MED12L: variants seen among roughly 807,000 people sequenced by gnomAD.
MED12L encodes the protein mediator of RNA polymerase II transcription subunit 12-like protein.
MED12L carries 60 observed loss-of-function variants against 281.3 expected under a neutral mutation model. The observed-to-expected ratio is 0.21, with a 90% CI of 0.17 to 0.26. The LOEUF (loss-of-function observed/expected upper bound fraction) is 0.26, where lower values mean the gene tolerates loss of function less well. MED12L is among the 10% of genes least tolerant of loss of function. The pLI, the probability that MED12L is intolerant of heterozygous loss-of-function variation, is 1.00. For missense variants in MED12L, 2,146 were observed against 2,680.9 expected, an observed-to-expected ratio of 0.80 and a Z score of 4.41; for synonymous variants, 974 against 987.2, an observed-to-expected ratio of 0.99 and a Z score of 0.25.
rs181842461 is a variant in MED12L at position 151,206,551 on chromosome 3, C to T, written c.2250+12885C>T. On this transcript the variant is annotated intron_variant, in intron 16 of 44. Transcript: ENST00000687756. ...AATAAAGAACTTTTAAAGATTATCT[C>T]GTTTCTTTTTAGTCACTGAATTTCA... Among the ~76,000 whole-genome samples, 264 of 147,880 alleles carry T rather than the reference C, an allele frequency of 1.8e-3. 1 individual carries two copies. The highest frequency in any genetic ancestry group is 2.7e-3 in the Non-Finnish European group (181 of 67,120).
chr3:151,213,219 G>T, intron 16 of MED12L: 3 of 1,036,732 alleles, frequency 2.9e-6, no homozygotes, highest in Middle Eastern at 4.3e-4. Flanking sequence ...TATGATGAGG[G>T]CACATATCTT....
chr3:151,202,000 A>C (rs920743701), intron 16 of MED12L, among the ~76,000 whole-genome samples: 1 of 152,202 alleles, frequency 6.6e-6, no homozygotes, highest in Non-Finnish European at 1.5e-5. Flanking sequence ...TATTTTGATT[A>C]ATTTTCTCTG....
intron 16 of MED12L, among the ~76,000 whole-genome samples, chr3:151,253,981 T>C (rs1737317237): frequency 6.8e-6 from 1 of 147,236 alleles, no homozygotes; most frequent in African/African-American, 2.5e-5. Context: ...TACCTTCTTT[T>C]TGTTTTGATT....
At chr3:151,148,789 A>G (rs1459887815) in intron 5 of MED12L, among the ~76,000 whole-genome samples, 1 of 152,264 alleles carries the variant, frequency 6.6e-6, no homozygotes, top group Non-Finnish European at 1.5e-5. Flanking sequence ...ATGAATCTTT[A>G]CAAAGTTAGT....
At chr3:151,163,307 T>C (rs1027159983) in intron 8 of MED12L, among the ~76,000 whole-genome samples, 15 of 152,194 alleles carry the variant, frequency 9.9e-5, no homozygotes, top group African/African-American at 3.6e-4. Context: ...AAATAGGTTT[T>C]ATGTTTTTAA....
intron 16 of MED12L, among the ~76,000 whole-genome samples, chr3:151,242,035 C>T (rs966786065): frequency 6.6e-6 from 1 of 152,158 alleles, no homozygotes; most frequent in African/African-American, 2.4e-5. Context: ...AAAATCGGGT[C>T]ACTCCCACCC....
intron 16 of MED12L, chr3:151,213,666 G>T (rs543916088): frequency 6.2e-7 from 1 of 1,614,158 alleles, no homozygotes; most frequent in South Asian, 1.1e-5. Context: ...TTGACTTAAG[G>T]TGGGACTTAA....
chr3:151,404,412 A>G (rs1187441974), intron 39 of MED12L, among the ~76,000 whole-genome samples: 1 of 152,160 alleles, frequency 6.6e-6, no homozygotes, highest in Non-Finnish European at 1.5e-5. Flanking sequence ...TGAGGTGAAA[A>G]CTTTTAAAAG....
chr3:151,404,933 T>C (rs1437995027), intron 39 of MED12L, among the ~76,000 whole-genome samples: 1 of 152,208 alleles, frequency 6.6e-6, no homozygotes, highest in Non-Finnish European at 1.5e-5. Flanking sequence ...TAGTTGCTAA[T>C]ACAGATCAGA....
intron 40 of MED12L, 69 bp from the exon 41 acceptor site, chr3:151,411,209 A>C: frequency 7.3e-7 from 1 of 1,374,242 alleles, no homozygotes; most frequent in Non-Finnish European, 1.0e-6. Context: ...TTTGCCCCAT[A>C]TATCGTAGTG....
chr3:151,379,884 G>C (rs966217518), intron 31 of MED12L, among the ~76,000 whole-genome samples: 4 of 152,158 alleles, frequency 2.6e-5, no homozygotes, highest in African/African-American at 9.7e-5. Context: ...ATGGTTTGAT[G>C]CTAGTTTGAG....
At chr3:151,361,964 AGT>A (rs1754662731) in intron 21 of MED12L, among the ~76,000 whole-genome samples, 1 of 152,094 alleles carries the variant, frequency 6.6e-6, no homozygotes, top group African/African-American at 2.4e-5. Context: ...GTAGGAGGAG[AGT>A]GGTAGAAGGT....
chr3:151,350,844 T>C (rs549125978), intron 17 of MED12L, among the ~76,000 whole-genome samples: 2 of 152,382 alleles, frequency 1.3e-5, no homozygotes, highest in South Asian at 2.1e-4. Context: ...TGTGCCTTTA[T>C]GTTGTATCAC....
chr3:151,300,895 T>C (rs765536714), intron 16 of MED12L, among the ~76,000 whole-genome samples: 8 of 152,350 alleles, frequency 5.3e-5, no homozygotes, highest in Non-Finnish European at 7.4e-5. Flanking sequence ...TATGTTCCTG[T>C]GTGTGTCCTT....
intron 16 of MED12L, chr3:151,213,160 A>C (rs1727462872): frequency 3.1e-6 from 2 of 637,964 alleles, no homozygotes; most frequent in Non-Finnish European, 2.6e-6. Context: ...GGAAACTTAT[A>C]TTTGAATTTT....
intron 16 of MED12L, among the ~76,000 whole-genome samples, chr3:151,210,977 A>G (rs1727071493): frequency 6.6e-6 from 1 of 152,200 alleles, no homozygotes; most frequent in Admixed American, 6.5e-5. Flanking sequence ...AGCTTTATCT[A>G]CAAAAGGACC....
intron 16 of MED12L, among the ~76,000 whole-genome samples, chr3:151,346,077 G>A (rs1752499386): frequency 6.6e-6 from 1 of 152,132 alleles, no homozygotes; most frequent in Non-Finnish European, 1.5e-5. Context: ...TCATGACTTT[G>A]TTCCTTGGCC....
chr3:151,423,042 C>T lies in MED12L; in HGVS notation c.6408+6620C>T, dbSNP rs576768035. On this transcript the variant is annotated intron_variant, in intron 43 of 44. Coordinates refer to ENST00000687756, the MANE Select transcript of MED12L (RefSeq NM_001393769.1). The stretch of plus-strand genomic sequence containing the variant: ...ATATATATATATATATATTTTGAAA[C>T]GGAGTCTTGCTCTGTCACCCAGGCT... Among the ~76,000 whole-genome samples the T allele has an allele frequency of 1.9e-4, 26 of 138,508 alleles. No homozygotes were observed. In the East Asian group the frequency reaches 4.0e-3, roughly 21 times the overall value. 90.9% of individuals were successfully genotyped at this position (138,508 alleles called of 152,430 possible). A position where few individuals can be genotyped will look rare whatever the true frequency, so the allele number is the denominator to read the frequency against.
chr3:151,309,591 C>A (rs2049846752), intron 16 of MED12L, among the ~76,000 whole-genome samples: 2 of 152,180 alleles, frequency 1.3e-5, no homozygotes, highest in South Asian at 4.1e-4. Context: ...CCCTATACCG[C>A]CTTCAGGTGT....
Sources: allele counts gnomAD v4.1 joint callset (sites outside exome capture counted in the v4.1 genomes callset), GRCh38; gene constraint gnomAD v4.1.1; transcripts MANE v1.5; gene names NCBI Gene and HGNC (gene_info 2026-07-23, HGNC 2026-07-21).